Variants in IGSF11 observed in about 807,000 individuals in gnomAD.
IGSF11 encodes CXADR like 1.
A neutral mutation model predicts 41.0 loss-of-function variants in IGSF11; 22 were observed. The observed-to-expected ratio is 0.54, with a 90% CI of 0.38 to 0.77. The LOEUF is 0.77. IGSF11 is among the 30% of genes least tolerant of loss of function. IGSF11 has a pLI of 0.00. For missense variants in IGSF11, 444 were observed against 530.8 expected, an observed-to-expected ratio of 0.84 and a Z score of 1.61; for synonymous variants, 219 against 201.3, an observed-to-expected ratio of 1.09 and a Z score of -0.74.
chr3:119,137,571 A>T (rs1321773219), intron 1 of IGSF11, among the ~76,000 whole-genome samples: 1 of 152,196 alleles, frequency 6.6e-6, no homozygotes, highest in Admixed American at 6.5e-5. Flanking sequence ...GAATCAAATC[A>T]AAATTAAAGA....
rs540211755 is a variant in IGSF11 at position 119,014,934 on chromosome 3, T to C, written c.52+19597A>G. On this transcript the variant is annotated intron_variant, in intron 1 of 6. Coordinates refer to ENST00000393775, the MANE Select transcript of IGSF11 (RefSeq NM_001015887.3). Reference sequence around the variant, plus strand: ...CAGTAAATACCTATACACCTTTTTATGTATCTAAAAAGTGTATGAGTCATA... The same window carrying C: ...CAGTAAATACCTATACACCTTTTTACGTATCTAAAAAGTGTATGAGTCATA... 2.3e-4 allele frequency among the ~76,000 whole-genome samples: 35 copies of C among 152,334 alleles called. 2 individuals carry two copies. The South Asian group carries it at 6.6e-3, about 29-fold the overall frequency.
chr3:118,958,471 C>T (rs1945112984), intron 1 of IGSF11, among the ~76,000 whole-genome samples: 1 of 152,098 alleles, frequency 6.6e-6, no homozygotes, highest in Admixed American at 6.6e-5. Flanking sequence ...AGGACTATGG[C>T]CAGGAATCTT....
intron 1 of IGSF11, among the ~76,000 whole-genome samples, chr3:119,050,105 T>C (rs1286259461): frequency 2.0e-5 from 3 of 149,650 alleles, no homozygotes; most frequent in Admixed American, 1.3e-4. Context: ...ACTTCATGTC[T>C]AAAACACCAA....
chr3:118,952,145 A>G (rs1266066273), intron 1 of IGSF11, among the ~76,000 whole-genome samples: 1 of 152,178 alleles, frequency 6.6e-6, no homozygotes, highest in Non-Finnish European at 1.5e-5. Context: ...TTAAAGTAAA[A>G]AACACTTCAT....
At chr3:118,960,717 T>C in intron 1 of IGSF11, among the ~76,000 whole-genome samples, 1 of 152,226 alleles carries the variant, frequency 6.6e-6, no homozygotes, top group East Asian at 1.9e-4. Flanking sequence ...TCCCATGCAT[T>C]TATTGTATTA....
chr3:119,114,081 G>T (rs1042187332), intron 1 of IGSF11, among the ~76,000 whole-genome samples: 2 of 152,196 alleles, frequency 1.3e-5, no homozygotes, highest in African/African-American at 4.8e-5. Flanking sequence ...AGGGCCCTGG[G>T]CCCAGCCCAT....
At chr3:118,943,703 T>A (rs979299245) in intron 1 of IGSF11, among the ~76,000 whole-genome samples, 1 of 152,244 alleles carries the variant, frequency 6.6e-6, no homozygotes, top group African/African-American at 2.4e-5. Flanking sequence ...GACATTGTGA[T>A]GCTATAGTTG....
At chr3:118,983,139 T>G (rs1934910007) in intron 1 of IGSF11, among the ~76,000 whole-genome samples, 1 of 152,206 alleles carries the variant, frequency 6.6e-6, no homozygotes, top group African/African-American at 2.4e-5. Flanking sequence ...TAGGTGAACA[T>G]GTAAGCACTG....
At chr3:119,067,124 C>T (rs1312368097) in intron 1 of IGSF11, among the ~76,000 whole-genome samples, 1 of 152,060 alleles carries the variant, frequency 6.6e-6, no homozygotes, top group Non-Finnish European at 1.5e-5. Flanking sequence ...ATGCTAAGCT[C>T]CATGTATTTA....
At chr3:118,956,624 T>C (rs1469302707) in intron 1 of IGSF11, among the ~76,000 whole-genome samples, 1 of 152,160 alleles carries the variant, frequency 6.6e-6, no homozygotes, top group Non-Finnish European at 1.5e-5. Context: ...AAGTTTGCCA[T>C]CTTATATGGC....
intron 1 of IGSF11, among the ~76,000 whole-genome samples, chr3:119,116,886 C>G (rs1175306882): frequency 6.6e-6 from 1 of 152,152 alleles, no homozygotes; most frequent in African/African-American, 2.4e-5. Flanking sequence ...TAGCCCCACC[C>G]AGAAGTGATT....
At chr3:119,094,671 A>AT (rs59894832) in intron 1 of IGSF11, among the ~76,000 whole-genome samples, 57,258 of 137,376 alleles carry the variant, frequency 0.42, 12,583 homozygotes, top group Non-Finnish European at 0.51. Context: ...GAGCAACTCT[A>AT]TTTTTTTTTT....
chr3:118,913,238 A>T lies in IGSF11; in HGVS notation c.581-7520T>A, dbSNP rs534858174. On this transcript the variant is annotated intron_variant, in intron 4 of 6. Coordinates refer to ENST00000393775, the MANE Select transcript of IGSF11 (RefSeq NM_001015887.3). ...ACCAAGAGCTAACAGGAAACAATAAAGAAAGAAGAGAAAAGGCTATATTCA... is the reference window on the plus strand; with the variant it reads ...ACCAAGAGCTAACAGGAAACAATAATGAAAGAAGAGAAAAGGCTATATTCA... Among the ~76,000 whole-genome samples, 7 of 152,310 alleles carry T rather than the reference A, an allele frequency of 4.6e-5. No individual in the cohort carries two copies. In the South Asian group the frequency reaches 1.5e-3, roughly 32 times the overall value.
intron 1 of IGSF11, among the ~76,000 whole-genome samples, chr3:119,069,534 T>A (rs1179926284): frequency 6.6e-6 from 1 of 152,134 alleles, no homozygotes; most frequent in Non-Finnish European, 1.5e-5. Flanking sequence ...AGGCCTAATT[T>A]CAGATAATAA....
intron 6 of IGSF11, among the ~76,000 whole-genome samples, chr3:118,903,808 A>C (rs1404918445): frequency 6.6e-6 from 1 of 152,194 alleles, no homozygotes; most frequent in African/African-American, 2.4e-5. Context: ...CGAGTCTGAA[A>C]GGTTAGGCAA....
intron 4 of IGSF11, among the ~76,000 whole-genome samples, chr3:118,912,182 T>C (rs1398233428): frequency 1.3e-5 from 2 of 152,228 alleles, no homozygotes; most frequent in African/African-American, 2.4e-5. Context: ...AAGTTCTCTG[T>C]GCATCTTTAA....
At position 119,139,095 on chromosome 3, in the gene IGSF11, A is replaced by T. The variant is rs1243561015; in HGVS notation, c.-14+6718T>A. Among the ~76,000 whole-genome samples, 5 of 152,212 alleles carry T rather than the reference A, an allele frequency of 3.3e-5. No homozygotes were observed. The South Asian group carries it at 1.0e-3, about 32-fold the overall frequency. ...ATTTACCCTTATCTGATTATTACAC[A>T]TTGCATACTTGTATCAAAATATCTC... is the stretch of plus-strand genomic sequence containing the variant. On this transcript the variant is annotated intron_variant, in intron 1 of 7. Transcript: ENST00000425327.
chr3:118,930,034 G>A (rs1942711994), intron 2 of IGSF11, 78 bp downstream of exon 2: 2 of 1,409,716 alleles, frequency 1.4e-6, no homozygotes, highest in South Asian at 2.8e-5. Flanking sequence ...AACCAAAGAT[G>A]TACTCATGAT....
rs143083117 is a variant in IGSF11 at position 118,902,068 on chromosome 3, G to A, written c.*452C>T. ...TATACCATTAAGCCCTCTATATAAC[G>A]AGGGAATTGGGAGAGACGGAACATA... On this transcript the variant is annotated 3_prime_UTR_variant, in exon 7 of 7. Coordinates refer to ENST00000393775, the MANE Select transcript of IGSF11 (RefSeq NM_001015887.3). 3.2e-3 allele frequency: 511 copies of A among 161,092 alleles called. 1 individual carries two copies. The highest frequency in any genetic ancestry group is 6.6e-3 in the Middle Eastern group (2 of 302). The allele number at this position is 161,092 out of a possible 1,614,324, so 10.0% of individuals were successfully genotyped here.
Sources: allele counts gnomAD v4.1 joint callset (sites outside exome capture counted in the v4.1 genomes callset), GRCh38; gene constraint gnomAD v4.1.1; transcripts MANE v1.5; gene names NCBI Gene and HGNC (gene_info 2026-07-23, HGNC 2026-07-21).